The following NOTCH3 variants were observed in gnomAD, a reference collection of about 807,000 sequenced individuals.
NOTCH3 encodes notch receptor 3, also known as neurogenic locus notch homolog protein 3.
Under a neutral mutation model 213.3 loss-of-function variants are expected in NOTCH3, and 86 were observed. The observed-to-expected ratio is 0.40, with a 90% CI of 0.34 to 0.48. The LOEUF (loss-of-function observed/expected upper bound fraction) is 0.48. NOTCH3 is among the 20% of genes least tolerant of loss of function. The pLI, the probability that NOTCH3 is intolerant of heterozygous loss-of-function variation, is 0.57. For missense variants in NOTCH3, 2,783 were observed against 3,272.6 expected, an observed-to-expected ratio of 0.85 and a Z score of 3.65; for synonymous variants, 1,354 against 1,355.9, an observed-to-expected ratio of 1.00 and a Z score of 0.03.
Position 15,177,473 on chromosome 19 carries a change from C to A in NOTCH3, c.4403+52G>T. The A allele has an allele frequency of 1.9e-6, 3 of 1,545,152 alleles. No individual in the cohort carries two copies. The South Asian group carries it at 3.5e-5, about 18-fold the overall frequency. On this transcript the variant is annotated intron_variant, in intron 24 of 32. Transcript: ENST00000263388. ...AAGAGAGGCAGGGCCCACGGACAAA[C>A]AGACTGGGATGGATGCATAGACAGA... is the stretch of plus-strand genomic sequence containing the variant.
rs189559546 is a variant in NOTCH3 at position 15,159,427 on chromosome 19, G to A, written c.*1235C>T. 3.9e-5 allele frequency: 7 copies of A among 181,440 alleles called. No homozygotes were observed. The highest frequency in any genetic ancestry group is 1.6e-4 in the African/African-American group (7 of 42,562). 11.2% of individuals were successfully genotyped at this position (181,440 alleles called of 1,614,324 possible). A position where few individuals can be genotyped will look rare whatever the true frequency, so the allele number is the denominator to read the frequency against. The stretch of plus-strand genomic sequence containing the variant: ...AGCCTCTCCATTAAAGAAAGTTCTC[G>A]AGCAAAAGAATCTGATTGGCTCAGC... On this transcript the variant is annotated 3_prime_UTR_variant, in exon 33 of 33. Coordinates refer to ENST00000263388, the MANE Select transcript of NOTCH3 (RefSeq NM_000435.3).
intron 29 of NOTCH3, 152 bp downstream of exon 29, chr19:15,167,097 G>A: frequency 1.2e-6 from 1 of 820,786 alleles, no homozygotes; most frequent in Non-Finnish European, 2.0e-6. Flanking sequence ...TTGGACCTTT[G>A]TCACTTCCAA....
At chr19:15,178,736 G>A in intron 23 of NOTCH3, 87 bp downstream of exon 23, 1 of 966,242 alleles carries the variant, frequency 1.0e-6, no homozygotes, top group South Asian at 1.4e-5. Context: ...CTCCCCTAAA[G>A]CCACATCCTC....
rs773505929 is a variant in NOTCH3 at position 15,191,674 on chromosome 19, C to G, written c.803-17G>C. On this transcript the variant is annotated splice_polypyrimidine_tract_variant and intron_variant, in intron 5 of 32. Transcript: ENST00000263388. ...AGAACTGGCCTGTGGCACACAGATG[C>G]AGCAGTCCAGCCACCTGGCGCATGT... The G allele has an allele frequency of 4.0e-5, 64 of 1,613,298 alleles. No individual in the cohort carries two copies. Among genetic ancestry groups the G allele is most frequent in the Non-Finnish European group, 5.3e-5 (62 of 1,179,968 alleles).
chr19:15,176,828 T>A (rs1208402270), intron 24 of NOTCH3, among the ~76,000 whole-genome samples: 2 of 140,600 alleles, frequency 1.4e-5, no homozygotes, highest in African/African-American at 2.7e-5. Flanking sequence ...ATCCCAGCAC[T>A]TTGGGAGGCC....
Position 15,185,182 on chromosome 19 carries a change from G to A in NOTCH3, c.2296+75C>T. 6.4e-7 allele frequency: 1 copy of A among 1,555,432 alleles called. No individual in the cohort carries two copies. The highest frequency in any genetic ancestry group is 1.7e-5 in the Admixed American group (1 of 59,492). ...AAAAAAGAAGCTAACATAGCGGGAG[G>A]AGAGAGTAGAGGAGAAGAGAGATGA... On this transcript the variant is annotated intron_variant, in intron 14 of 32. Transcript: ENST00000263388. The surrounding 1 kb of genome is among the most constrained non-coding windows in gnomAD (Gnocchi z 4.2).
At position 15,165,327 on chromosome 19, in the gene NOTCH3, G is replaced by T; in HGVS notation, c.5815+41C>A. On this transcript the variant is annotated intron_variant, in intron 31 of 32. Coordinates refer to ENST00000263388, the MANE Select transcript of NOTCH3 (RefSeq NM_000435.3). The surrounding 1 kb of genome is among the most constrained non-coding windows in gnomAD (Gnocchi z 4.7). ...CCAACATGACCCTCAGGGCCCAGGT[G>T]ACACCAACCCAGCTTAGACTTGATT... The T allele has an allele frequency of 6.3e-7, 1 of 1,595,440 alleles. No individual in the cohort carries two copies. Among genetic ancestry groups the T allele is most frequent in the South Asian group, 1.1e-5 (1 of 90,948 alleles).
chr19:15,169,182 A>ATCTGTC (rs1358965251), intron 28 of NOTCH3, among the ~76,000 whole-genome samples: 1 of 125,422 alleles, frequency 8.0e-6, no homozygotes, highest in African/African-American at 3.1e-5. Flanking sequence ...GGGATGTCAA[A>ATCTGTC]TCTGTCTCTC....
At chr19:15,169,125 T>C (rs2046708580) in intron 28 of NOTCH3, among the ~76,000 whole-genome samples, 1 of 151,824 alleles carries the variant, frequency 6.6e-6, no homozygotes, top group South Asian at 2.1e-4. Flanking sequence ...AGGTTATAAA[T>C]GTGGGACCCT....
At chr19:15,164,991 G>A (rs906813756) in intron 31 of NOTCH3, among the ~76,000 whole-genome samples, 1 of 152,100 alleles carries the variant, frequency 6.6e-6, no homozygotes, top group Non-Finnish European at 1.5e-5. Flanking sequence ...TGCCCAGTCT[G>A]GTCTCAAACT....
In NOTCH3 at chr19:15,178,808, G is replaced by A. The variant is rs759435366; in HGVS notation, c.3837+15C>T. On this transcript the variant is annotated intron_variant, in intron 23 of 32. Coordinates refer to ENST00000263388, the MANE Select transcript of NOTCH3 (RefSeq NM_000435.3). Reference sequence around the variant, plus strand: ...CGCCCCTACTCCTCCTCCAAAGGCCGCCACCCACACCTACCTGGGCACAGT... The same window carrying A: ...CGCCCCTACTCCTCCTCCAAAGGCCACCACCCACACCTACCTGGGCACAGT... 29 of 1,570,664 alleles carry A rather than the reference G, an allele frequency of 1.8e-5. No individual in the cohort carries two copies. Among genetic ancestry groups the A allele is most frequent in the South Asian group, 3.5e-5 (3 of 86,956 alleles).
intron 2 of NOTCH3, 59 bp downstream of exon 2, chr19:15,197,441 G>GGCCCCCCCCCCCCCCCC: frequency 2.6e-6 from 2 of 768,362 alleles, no homozygotes; most frequent in African/African-American, 1.7e-5. Context: ...AAGACAAATC[G>GGCCCCCCCCCCCCCCCC]CCCCTCCCCC....
chr19:15,186,749 G>C lies in NOTCH3; in HGVS notation c.1951+129C>G. 3 of 795,056 alleles carry C rather than the reference G, an allele frequency of 3.8e-6. No homozygotes were observed. In the South Asian group the frequency reaches 4.2e-5, roughly 11 times the overall value. 49.3% of individuals were successfully genotyped at this position (795,056 alleles called of 1,614,324 possible). On this transcript the variant is annotated intron_variant, in intron 12 of 32. Coordinates refer to ENST00000263388, the MANE Select transcript of NOTCH3 (RefSeq NM_000435.3). ...AACCTTATGCCAATGAGACAGCACA[G>C]ACTCAGGGCAAAGCACGGACAACCT...
chr19:15,163,295 A>G lies in NOTCH3; in HGVS notation c.5816-733T>C, dbSNP rs550734692. Among the ~76,000 whole-genome samples the G allele has an allele frequency of 6.6e-5, 10 of 152,352 alleles. No homozygotes were observed. In the South Asian group the frequency reaches 2.1e-3, roughly 32 times the overall value. The stretch of plus-strand genomic sequence containing the variant: ...TGGTCTTCTCAACTAATGGTGCTGG[A>G]ACAACTGAATATTCACATTCAAAGA... On this transcript the variant is annotated intron_variant, in intron 31 of 32. Transcript: ENST00000263388.
At chr19:15,197,441 G>GGCCC in intron 2 of NOTCH3, 59 bp downstream of exon 2, 9 of 768,354 alleles carry the variant, frequency 1.2e-5, no homozygotes, top group East Asian at 5.5e-5. Flanking sequence ...AAGACAAATC[G>GGCCC]CCCCTCCCCC....
chr19:15,188,304 T>G lies in NOTCH3; in HGVS notation c.1423A>C (p.Ser475Arg). Residue 475 changes from serine to arginine, a missense_variant, in exon 9 of 33, where the codon AGT becomes CGT. By Grantham distance (110) the Ser-to-Arg change is moderately radical. Around this residue, in one of 6 missense-constraint regions of NOTCH3, gnomAD observed 708 missense variants for 906.6 expected, o/e 0.78. Transcript: ENST00000263388. ...ACCCCACCGTTGACACAGGGGCTAC[T>G]CTGACACTCGTCAATGTCCACCTCG... The part of the protein sequence containing the change: ...YCEVDIDECQ[S>R]SPCVNGGVCK... 1 of 1,606,940 alleles carries G rather than the reference T, an allele frequency of 6.2e-7. No homozygotes were observed. The highest frequency in any genetic ancestry group is 1.3e-5 in the African/African-American group (1 of 74,948).
Position 15,185,244 on chromosome 19 carries a change from G to C in NOTCH3, c.2296+13C>G, listed in dbSNP as rs1334792756. 1.2e-6 allele frequency: 2 copies of C among 1,612,876 alleles called. No individual in the cohort carries two copies. Among genetic ancestry groups the C allele is most frequent in the African/African-American group, 2.7e-5 (2 of 74,888 alleles). On this transcript the variant is annotated intron_variant, in intron 14 of 32. Transcript: ENST00000263388. This position sits in a 1 kb window ranked among gnomAD's most constrained non-coding sequence, Gnocchi z 4.2. ...GTGTTGGTGGGGCTGCAGAGGGAAGGTGAGGTACACACCCTGGACACCAGG... is the reference window on the plus strand; with the variant it reads ...GTGTTGGTGGGGCTGCAGAGGGAAGCTGAGGTACACACCCTGGACACCAGG...
At chr19:15,162,605 C>T (rs748014505) in intron 31 of NOTCH3, 43 bp from the exon 32 acceptor site, 1 of 1,532,114 alleles carries the variant, frequency 6.5e-7, no homozygotes, top group Non-Finnish European at 9.0e-7. Context: ...GGCACCTGTC[C>T]TGGGGCCCCC....
intron 2 of NOTCH3, among the ~76,000 whole-genome samples, chr19:15,195,939 G>C (rs533531047): frequency 7.3e-5 from 11 of 151,294 alleles, no homozygotes; most frequent in Non-Finnish European, 4.4e-5. Context: ...CCTAGTTAGG[G>C]GGGGCACGGC....
Sources: allele counts gnomAD v4.1 joint callset (sites outside exome capture counted in the v4.1 genomes callset), GRCh38; gene constraint gnomAD v4.1.1; regional missense constraint gnomAD v4.1.1; non-coding constraint Gnocchi (gnomAD v3.1); transcripts MANE v1.5; gene names NCBI Gene and HGNC (gene_info 2026-07-23, HGNC 2026-07-21).